ATM: variants seen among roughly 807,000 people sequenced by gnomAD.
ATM encodes ATM serine/threonine kinase, also known as serine-protein kinase ATM.
ATM carries 308 observed loss-of-function variants against 387.0 expected under a neutral mutation model. That is an observed-to-expected ratio of 0.80 (90% CI 0.73 to 0.87). The LOEUF is 0.87. Ranked by LOEUF, ATM falls within the 40% of genes least tolerant of loss-of-function variation. The pLI is 0.00. For missense variants in ATM, 3,312 were observed against 3,560.9 expected (o/e 0.93, Z 1.78); for synonymous variants, 1,156 against 1,187.3 (o/e 0.97, Z 0.54).
intron 43 of ATM, 123 bp downstream of exon 43, chr11:108,317,644 TATATATATACACAC>T (rs1201643721): frequency 2.1e-4 from 33 of 153,560 alleles, no homozygotes; most frequent in Middle Eastern, 2.7e-3. Context: ...TATATATATA[TATATATATACACAC>T]ACACACACAC....
intron 5 of ATM, among the ~76,000 whole-genome samples, chr11:108,242,844 C>G (rs1287851557): frequency 6.6e-6 from 1 of 152,186 alleles, no homozygotes; most frequent in African/African-American, 2.4e-5. Flanking sequence ...GAGAAATAAA[C>G]TGTCCTTTTT....
chr11:108,282,893 T>A lies in ATM; in HGVS notation c.3746+14T>A, dbSNP rs2135691545. ...GGATTTCTATAGGTAAGTTTATACA[T>A]GACATATGTGAAATTTGTTTAATTT... On this transcript the variant is annotated intron_variant, in intron 25 of 62. Coordinates refer to ENST00000675843, the MANE Select transcript of ATM (RefSeq NM_000051.4). 1 of 1,437,800 alleles carries A rather than the reference T, an allele frequency of 7.0e-7. No homozygotes were observed. Among genetic ancestry groups the A allele is most frequent in the Non-Finnish European group, 9.7e-7 (1 of 1,031,648 alleles). 89.1% of individuals were successfully genotyped at this position (1,437,800 alleles called of 1,614,324 possible). A position where few individuals can be genotyped will look rare whatever the true frequency, so the allele number is the denominator to read the frequency against.
At chr11:108,281,512 T>TG (rs1456419378) in intron 24 of ATM, among the ~76,000 whole-genome samples, 6 of 152,210 alleles carry the variant, frequency 3.9e-5, no homozygotes, top group Non-Finnish European at 8.8e-5. Flanking sequence ...CGGTAGATTC[T>TG]GGGGCAGCAC....
chr11:108,341,134 T>G (rs901056781), intron 56 of ATM, among the ~76,000 whole-genome samples: 4 of 152,012 alleles, frequency 2.6e-5, no homozygotes, highest in African/African-American at 9.7e-5. Flanking sequence ...CCTCTCACTT[T>G]CTGCTTGTAT....
intron 50 of ATM, 114 bp from the exon 51 acceptor site, chr11:108,331,330 T>C (rs2086210046): frequency 6.8e-7 from 1 of 1,470,436 alleles, no homozygotes; most frequent in South Asian, 1.4e-5. Context: ...AGTGAAGTTT[T>C]GTTAACCACT....
intron 38 of ATM, chr11:108,308,934 G>T: frequency 1.6e-6 from 2 of 1,251,296 alleles, no homozygotes; most frequent in Non-Finnish European, 2.3e-6. Flanking sequence ...TCTTGGTGTT[G>T]GGAGGCAGTT....
intron 5 of ATM, chr11:108,236,187 G>T (rs958660586): frequency 3.3e-6 from 1 of 306,176 alleles, no homozygotes; most frequent in Non-Finnish European, 6.3e-6. Context: ...ACAAAACAAT[G>T]ACACCTAAAC....
chr11:108,316,834 G>A (rs1359934786), intron 42 of ATM, among the ~76,000 whole-genome samples: 1 of 151,738 alleles, frequency 6.6e-6, no homozygotes, highest in Non-Finnish European at 1.5e-5. Flanking sequence ...GCTGAGGCAG[G>A]AGAATGGCGT....
chr11:108,357,273 G>A (rs931771255), intron 61 of ATM, among the ~76,000 whole-genome samples: 4 of 152,186 alleles, frequency 2.6e-5, no homozygotes, highest in Non-Finnish European at 5.9e-5. Flanking sequence ...ATTATATCCC[G>A]CAGCTGGCTT....
At chr11:108,258,111 C>T (rs1051831494) in intron 15 of ATM, among the ~76,000 whole-genome samples, 29 of 151,990 alleles carry the variant, frequency 1.9e-4, no homozygotes, top group Admixed American at 2.6e-4. Flanking sequence ...TTACACATTG[C>T]CCAGGCTAGT....
At chr11:108,269,697 C>G (rs1325582005) in intron 18 of ATM, among the ~76,000 whole-genome samples, 1 of 152,154 alleles carries the variant, frequency 6.6e-6, no homozygotes, top group African/African-American at 2.4e-5. Flanking sequence ...GTCCCCAGTT[C>G]CAGCAAATTG....
intron 20 of ATM, 48 bp downstream of exon 20, chr11:108,271,454 G>C (rs2135556072): frequency 6.2e-7 from 1 of 1,606,714 alleles, no homozygotes; most frequent in Non-Finnish European, 8.5e-7. Context: ...GCTATCTGTG[G>C]ATACGAATGC....
chr11:108,312,815 A>G (rs995211043), intron 40 of ATM, among the ~76,000 whole-genome samples: 10 of 152,112 alleles, frequency 6.6e-5, no homozygotes, highest in African/African-American at 1.4e-4. Flanking sequence ...TTATAATTAT[A>G]TATTTATTTG....
chr11:108,296,660 T>C (rs898876915), intron 32 of ATM, among the ~76,000 whole-genome samples: 3 of 152,252 alleles, frequency 2.0e-5, no homozygotes, highest in African/African-American at 7.2e-5. Flanking sequence ...ATATATAAAA[T>C]GTATGTAAAT....
At chr11:108,312,321 A>C in intron 39 of ATM, 90 bp from the exon 40 acceptor site, 1 of 934,400 alleles carries the variant, frequency 1.1e-6, no homozygotes, top group Admixed American at 1.8e-5. Context: ...CACCTTCATT[A>C]GTTTTTTTCT....
At chr11:108,333,024 T>G in intron 53 of ATM, 124 bp downstream of exon 53, 1 of 1,234,224 alleles carries the variant, frequency 8.1e-7, no homozygotes, top group East Asian at 2.5e-5. Context: ...AAAGCTTAAT[T>G]TATATCTGAT....
intron 29 of ATM, 110 bp downstream of exon 29, chr11:108,289,911 G>T (rs1274918223): frequency 3.7e-6 from 4 of 1,086,254 alleles, no homozygotes; most frequent in Middle Eastern, 6.1e-4. Context: ...TGTCCGCCCA[G>T]GCTGGGTGCA....
At chr11:108,317,271 TA>T in intron 42 of ATM, 101 bp from the exon 43 acceptor site, 3 of 1,285,440 alleles carry the variant, frequency 2.3e-6, no homozygotes, top group Non-Finnish European at 3.3e-6. Context: ...TATTGTGAAC[TA>T]AAATTTGTCT....
intron 61 of ATM, among the ~76,000 whole-genome samples, chr11:108,363,701 T>G (rs1008660859): frequency 6.6e-6 from 1 of 152,246 alleles, no homozygotes; most frequent in Non-Finnish European, 1.5e-5. Context: ...TTAATCAGTC[T>G]GTATTCCTTT....
Sources: allele counts gnomAD v4.1 joint callset (sites outside exome capture counted in the v4.1 genomes callset), GRCh38; gene constraint gnomAD v4.1.1; transcripts MANE v1.5; gene names NCBI Gene and HGNC (gene_info 2026-07-23, HGNC 2026-07-21).